HDAC4: variants seen among roughly 807,000 people sequenced by gnomAD.
The protein encoded by HDAC4 is histone deacetylase 4.
In HDAC4, 16 loss-of-function variants were observed where a neutral mutation model predicts 135.1. That is an observed-to-expected ratio of 0.12 (90% CI 0.08 to 0.18). The LOEUF is 0.18. Among genes scored for constraint, HDAC4 ranks in the 10% least tolerant of loss-of-function variants. The pLI is 1.00. For missense variants in HDAC4, 1,143 were observed against 1,511.8 expected (o/e 0.76, Z 4.05); for synonymous variants, 685 against 653.4 (o/e 1.05, Z -0.74).
At chr2:239,056,458 T>A (rs1474774103) in intron 24 of HDAC4, among the ~76,000 whole-genome samples, 2 of 152,154 alleles carry the variant, frequency 1.3e-5, no homozygotes, top group African/African-American at 4.8e-5. Flanking sequence ...GCAGGGCCAG[T>A]CTGAAAGGTG....
chr2:239,281,260 C>A (rs2050720341), intron 2 of HDAC4, among the ~76,000 whole-genome samples: 1 of 144,198 alleles, frequency 6.9e-6, no homozygotes, highest in Non-Finnish European at 1.5e-5. Flanking sequence ...AATGTACACA[C>A]CACTCTACAC....
At chr2:239,290,697 C>T (rs894779540) in intron 2 of HDAC4, among the ~76,000 whole-genome samples, 1 of 152,050 alleles carries the variant, frequency 6.6e-6, no homozygotes, top group African/African-American at 2.4e-5. Context: ...CATGCACACA[C>T]ACGCACGCAC....
At chr2:239,233,459 A>T (rs946824380) in intron 3 of HDAC4, among the ~76,000 whole-genome samples, 248 of 108,730 alleles carry the variant, frequency 2.3e-3, no homozygotes, top group African/African-American at 8.1e-3. Flanking sequence ...CCAAAATCCG[A>T]AAAAAAAAAA....
At chr2:239,320,385 A>T in intron 2 of HDAC4, among the ~76,000 whole-genome samples, 1 of 105,576 alleles carries the variant, frequency 9.5e-6, no homozygotes, top group African/African-American at 3.8e-5. Context: ...TTCATCTCAA[A>T]AAAAAAAAAA....
chr2:239,385,821 C>G (rs1465666219), intron 1 of HDAC4, among the ~76,000 whole-genome samples: 1 of 152,194 alleles, frequency 6.6e-6, no homozygotes, highest in Admixed American at 6.5e-5. Flanking sequence ...TGTGATGACC[C>G]TTCCTGCCGG....
intron 1 of HDAC4, among the ~76,000 whole-genome samples, chr2:239,377,276 C>G (rs558805477): frequency 2.6e-5 from 4 of 152,242 alleles, no homozygotes; most frequent in Non-Finnish European, 5.9e-5. Context: ...CTAACCGAAG[C>G]CACTGCCAGG....
At chr2:239,392,381 A>C (rs1312778218) in intron 1 of HDAC4, among the ~76,000 whole-genome samples, 1 of 152,248 alleles carries the variant, frequency 6.6e-6, no homozygotes, top group African/African-American at 2.4e-5. Flanking sequence ...TGTTCTCCAA[A>C]GAATGGGGAC....
chr2:239,334,677 C>T (rs1691808458), intron 2 of HDAC4, among the ~76,000 whole-genome samples: 1 of 152,196 alleles, frequency 6.6e-6, no homozygotes, highest in East Asian at 1.9e-4. Context: ...ATCAGTGGAT[C>T]CCAATTGAGA....
At chr2:239,231,189 C>G (rs1413358062) in intron 3 of HDAC4, among the ~76,000 whole-genome samples, 1 of 152,152 alleles carries the variant, frequency 6.6e-6, no homozygotes, top group Non-Finnish European at 1.5e-5. Context: ...TACACGTTTC[C>G]CAGGACACAG....
chr2:239,315,073 T>C (rs192215199), intron 2 of HDAC4, among the ~76,000 whole-genome samples: 80 of 152,332 alleles, frequency 5.3e-4, no homozygotes, highest in Non-Finnish European at 9.6e-4. Flanking sequence ...ACCCTTATCA[T>C]AATCCAGACA....
intron 7 of HDAC4, chr2:239,155,031 G>A (rs2042335541): frequency 6.6e-6 from 1 of 152,466 alleles, no homozygotes; most frequent in African/African-American, 2.4e-5. Flanking sequence ...ACTCCTCTGA[G>A]GTCACAGCTG....
At chr2:239,066,889 G>C (rs758056234) in intron 23 of HDAC4, 34 bp from the exon 24 acceptor site, 5 of 1,604,162 alleles carry the variant, frequency 3.1e-6, no homozygotes, top group East Asian at 2.2e-5. Context: ...CAGTGTGAAC[G>C]GGGGAGGACC....
intron 1 of HDAC4, among the ~76,000 whole-genome samples, chr2:239,357,332 C>A (rs566374681): frequency 6.6e-6 from 1 of 152,052 alleles, no homozygotes; most frequent in South Asian, 2.1e-4. Flanking sequence ...ACATAAAAAT[C>A]TGCAGTGCTT....
chr2:239,150,356 GACAC>G (rs960905141), intron 7 of HDAC4, among the ~76,000 whole-genome samples: 2 of 150,970 alleles, frequency 1.3e-5, no homozygotes, highest in African/African-American at 4.9e-5. Flanking sequence ...CACAGAAACA[GACAC>G]ACACACAGAA....
At chr2:239,060,422 C>T (rs999916344) in intron 24 of HDAC4, among the ~76,000 whole-genome samples, 30 of 152,200 alleles carry the variant, frequency 2.0e-4, no homozygotes, top group African/African-American at 7.0e-4. Context: ...AGGGAAAAGA[C>T]AATCCAATAG....
intron 2 of HDAC4, among the ~76,000 whole-genome samples, chr2:239,287,182 C>T (rs1016564736): frequency 2.6e-5 from 4 of 152,216 alleles, no homozygotes; most frequent in Non-Finnish European, 5.9e-5. Flanking sequence ...GCCTGGATTT[C>T]CTGTTTTCCC....
chr2:239,378,587 G>A (rs960353772), intron 1 of HDAC4, among the ~76,000 whole-genome samples: 1 of 152,024 alleles, frequency 6.6e-6, no homozygotes, highest in Non-Finnish European at 1.5e-5. Flanking sequence ...TCGCTCTCAG[G>A]AGCCAGAGGT....
At chr2:239,312,606 T>C (rs2052935784) in intron 2 of HDAC4, among the ~76,000 whole-genome samples, 1 of 152,214 alleles carries the variant, frequency 6.6e-6, no homozygotes, top group African/African-American at 2.4e-5. Context: ...CTTTCCTCTA[T>C]GCGTCCAATG....
rs958527688 is a variant in HDAC4 at position 239,245,914 on chromosome 2, C to T, written c.23-9250G>A. 3.3e-5 allele frequency among the ~76,000 whole-genome samples: 5 copies of T among 152,126 alleles called. No homozygotes were observed. The highest frequency in any genetic ancestry group is 5.9e-5 in the Non-Finnish European group (4 of 68,036). On this transcript the variant is annotated intron_variant, in intron 2 of 26. Transcript: ENST00000543185. The surrounding 1 kb of genome is among the most constrained non-coding windows in gnomAD (Gnocchi z 4.4). ...CACACACGTCTGGTTCACAGCTCAG[C>T]GAGCAGGCCCTGAGCGTCTGGGAAC...
Sources: gnomAD v4.1 joint callset for allele counts (sites outside exome capture counted in the v4.1 genomes callset) on GRCh38, gnomAD v4.1.1 for gene constraint, Gnocchi (gnomAD v3.1) non-coding constraint, MANE v1.5 for transcripts, NCBI Gene and HGNC (gene_info 2026-07-23, HGNC 2026-07-21) for gene names.